CSMD1: variants seen among roughly 807,000 people sequenced by gnomAD.
The protein encoded by CSMD1 is CUB and sushi domain-containing protein 1.
In CSMD1, 213 loss-of-function variants were observed where a neutral mutation model predicts 417.5. The observed-to-expected ratio is 0.51, with a 90% CI of 0.46 to 0.57. The LOEUF (loss-of-function observed/expected upper bound fraction) is 0.57. Among genes scored for constraint, CSMD1 ranks in the 20% least tolerant of loss-of-function variants. The pLI is 0.00. For missense variants in CSMD1, 6,923 were observed against 4,529.7 expected (o/e 1.53, Z -15.17); for synonymous variants, 2,862 against 1,736.8 (o/e 1.65, Z -16.11).
At chr8:3,884,544 C>G (rs892851690) in intron 5 of CSMD1, among the ~76,000 whole-genome samples, 1 of 152,136 alleles carries the variant, frequency 6.6e-6, no homozygotes, top group Non-Finnish European at 1.5e-5. Flanking sequence ...TCACTCAGGA[C>G]TCTGATATAC....
intron 51 of CSMD1, among the ~76,000 whole-genome samples, chr8:3,027,030 C>T (rs931995310): frequency 6.6e-6 from 1 of 152,060 alleles, no homozygotes; most frequent in Non-Finnish European, 1.5e-5. Flanking sequence ...AAAAGTCACA[C>T]ACTACGACAT....
chr8:4,386,486 G>T (rs1350721982), intron 3 of CSMD1, among the ~76,000 whole-genome samples: 1 of 152,120 alleles, frequency 6.6e-6, no homozygotes, highest in Non-Finnish European at 1.5e-5. Context: ...TTATCTCCCA[G>T]TCTCCAATAG....
At chr8:3,599,352 G>A (rs1425904505) in intron 8 of CSMD1, among the ~76,000 whole-genome samples, 2 of 152,008 alleles carry the variant, frequency 1.3e-5, no homozygotes, top group Admixed American at 6.6e-5. Flanking sequence ...GATGCAACAC[G>A]GCATTATTAA....
chr8:3,893,176 A>T (rs945047564), intron 5 of CSMD1, among the ~76,000 whole-genome samples: 2 of 151,582 alleles, frequency 1.3e-5, no homozygotes, highest in Non-Finnish European at 2.9e-5. Context: ...GCAGTGAAAA[A>T]ACATGTTCCC....
intron 60 of CSMD1, 68 bp downstream of exon 60, chr8:2,963,154 T>C: frequency 6.5e-7 from 1 of 1,539,060 alleles, no homozygotes; most frequent in East Asian, 2.3e-5. Context: ...AACCTTAGGA[T>C]GTGCCCTGGT....
chr8:4,932,562 C>T (rs961189743), intron 1 of CSMD1, among the ~76,000 whole-genome samples: 2 of 152,124 alleles, frequency 1.3e-5, no homozygotes, highest in African/African-American at 4.8e-5. Context: ...GTGACGTGTG[C>T]TCTTGTCTTA....
At chr8:3,708,023 T>A (rs149484581) in intron 7 of CSMD1, among the ~76,000 whole-genome samples, 1 of 152,182 alleles carries the variant, frequency 6.6e-6, no homozygotes, top group Non-Finnish European at 1.5e-5. Flanking sequence ...TGGTCAATAA[T>A]ATTTCAATAG....
At chr8:4,078,466 A>T (rs764679044) in intron 3 of CSMD1, among the ~76,000 whole-genome samples, 1 of 151,594 alleles carries the variant, frequency 6.6e-6, no homozygotes, top group Non-Finnish European at 1.5e-5. Context: ...AGGTGCCACC[A>T]TGTTAGCCAG....
intron 3 of CSMD1, among the ~76,000 whole-genome samples, chr8:4,164,044 T>C (rs1797315008): frequency 6.6e-6 from 1 of 152,146 alleles, no homozygotes; most frequent in African/African-American, 2.4e-5. Flanking sequence ...CATGTGTCAT[T>C]CCCTTCTCTT....
chr8:4,136,123 A>C (rs967490262), intron 3 of CSMD1, among the ~76,000 whole-genome samples: 2 of 152,196 alleles, frequency 1.3e-5, no homozygotes, highest in African/African-American at 2.4e-5. Context: ...TTTCCAAAGG[A>C]CCTCTCAAAA....
chr8:3,308,461 T>C lies in CSMD1; in HGVS notation c.3674A>G (p.Tyr1225Cys), dbSNP rs1275299324. ...GCCTTCATCACGGATCCTATAGCCG[T>C]AGTTAGGGATGCCCGGATCCTCACA... ...VKCEDPGIPN[Y>C]GYRIRDEGHF... The change falls in exon 24 of 70, where the codon TAC becomes TGC. Residue 1225 changes from tyrosine (Y) to cysteine (C), a missense_variant. Coordinates refer to ENST00000635120, the MANE Select transcript of CSMD1 (RefSeq NM_033225.6). 2 of 1,613,470 alleles carry C rather than the reference T, an allele frequency of 1.2e-6. No individual in the cohort carries two copies. The highest frequency in any genetic ancestry group is 1.3e-5 in the African/African-American group (1 of 75,024).
intron 46 of CSMD1, among the ~76,000 whole-genome samples, chr8:3,103,004 G>A (rs750894606): frequency 1.3e-5 from 2 of 152,116 alleles, no homozygotes; most frequent in African/African-American, 2.4e-5. Context: ...GTGATTTAGC[G>A]GGAGACAAAA....
chr8:3,915,723 T>C (rs1808772831), intron 5 of CSMD1, among the ~76,000 whole-genome samples: 1 of 150,976 alleles, frequency 6.6e-6, no homozygotes, highest in Non-Finnish European at 1.5e-5. Context: ...TGAATGTTAA[T>C]TTAGCTAGCA....
rs542690314 is a variant in CSMD1 at position 4,080,406 on chromosome 8, T to C, written c.416-48307A>G. Among the ~76,000 whole-genome samples the C allele has an allele frequency of 1.7e-3, 261 of 152,340 alleles. 1 individual carries two copies. Among genetic ancestry groups the C allele is most frequent in the Non-Finnish European group, 3.3e-3 (222 of 68,036 alleles). On this transcript the variant is annotated intron_variant, in intron 3 of 69. Coordinates refer to ENST00000635120, the MANE Select transcript of CSMD1 (RefSeq NM_033225.6). ...TTCTACATATTGAATTTCCAAAATGTACTGGTGAGTAATCATGCCATTACA... is the reference window on the plus strand; with the variant it reads ...TTCTACATATTGAATTTCCAAAATGCACTGGTGAGTAATCATGCCATTACA...
chr8:4,578,332 ATTTTTTT>A (rs1172600205), intron 2 of CSMD1, among the ~76,000 whole-genome samples: 3,437 of 48,750 alleles, frequency 0.071, 237 homozygotes, highest in African/African-American at 0.24. Context: ...CACCCGGCTC[ATTTTTTT>A]TTTTTTTTTT....
At chr8:4,907,263 C>G (rs1040968802) in intron 1 of CSMD1, among the ~76,000 whole-genome samples, 2 of 152,182 alleles carry the variant, frequency 1.3e-5, no homozygotes, top group Non-Finnish European at 2.9e-5. Context: ...AAATTATTCT[C>G]CATTTTGTGA....
chr8:4,022,515 G>A (rs192602033), intron 4 of CSMD1, among the ~76,000 whole-genome samples: 1 of 152,174 alleles, frequency 6.6e-6, no homozygotes, highest in Non-Finnish European at 1.5e-5. Context: ...TTGGTAGAAA[G>A]CATTTGAGGT....
At chr8:3,287,842 G>C (rs1314332504) in intron 25 of CSMD1, among the ~76,000 whole-genome samples, 4 of 149,866 alleles carry the variant, frequency 2.7e-5, no homozygotes, top group African/African-American at 1.0e-4. Flanking sequence ...ACACTATGTT[G>C]AATAGGACTG....
chr8:4,032,106 G>C lies in CSMD1; in HGVS notation c.416-7C>G, dbSNP rs759833801. ...CAAGTGTGGCTAGGTAAAACTATTG[G>C]AAAAAGAAAAGAAAGGAGAAAAAAC... On this transcript the variant is annotated splice_polypyrimidine_tract_variant and splice_region_variant and intron_variant, in intron 3 of 69. Coordinates refer to ENST00000635120, the MANE Select transcript of CSMD1 (RefSeq NM_033225.6). 3 of 1,584,410 alleles carry C rather than the reference G, an allele frequency of 1.9e-6. No individual in the cohort carries two copies. The highest frequency in any genetic ancestry group is 8.6e-7 in the Non-Finnish European group (1 of 1,160,782).
Sources: allele counts gnomAD v4.1 joint callset (sites outside exome capture counted in the v4.1 genomes callset), GRCh38; gene constraint gnomAD v4.1.1; transcripts MANE v1.5; gene names NCBI Gene and HGNC (gene_info 2026-07-23, HGNC 2026-07-21).